KLHL13: variants seen among roughly 807,000 people sequenced by gnomAD.
KLHL13 encodes the protein kelch-like protein 13.
Under a neutral mutation model 37.1 loss-of-function variants are expected in KLHL13, and 10 were observed. The observed-to-expected ratio is 0.27, with a 90% confidence interval of 0.17 to 0.46. KLHL13 has a LOEUF of 0.46. Ranked by LOEUF, KLHL13 falls within the 20% of genes least tolerant of loss-of-function variation. The probability of loss-of-function intolerance (pLI) is 1.00; values close to 1 mark genes in which losing one functional copy is unlikely to be tolerated. For missense variants in KLHL13, 360 were observed against 509.3 expected, an observed-to-expected ratio of 0.71 and a Z score of 2.82; for synonymous variants, 163 against 181.2, an observed-to-expected ratio of 0.90 and a Z score of 0.81.
intron 1 of KLHL13, among the ~76,000 whole-genome samples, chrX:118,096,237 C>A (rs772449086): frequency 1.8e-5 from 2 of 111,159 alleles, no homozygotes; most frequent in Admixed American, 1.9e-4. Flanking sequence ...TACAAAATGA[C>A]AAAGGGGGTA....
At chrX:118,043,112 A>G (rs746187962) in intron 1 of KLHL13, among the ~76,000 whole-genome samples, 28 of 111,548 alleles carry the variant, frequency 2.5e-4, no homozygotes, top group African/African-American at 8.4e-4. Context: ...ATGAGCAAAT[A>G]CATGACAATA....
intron 1 of KLHL13, among the ~76,000 whole-genome samples, chrX:117,949,024 G>A (rs1370682823): frequency 3.6e-5 from 4 of 111,910 alleles, no homozygotes; most frequent in Non-Finnish European, 5.6e-5. Flanking sequence ...ATCTTGCCTC[G>A]AAATGTCCAC....
At chrX:117,903,979 TTTA>T (rs1212754674) in intron 5 of KLHL13, among the ~76,000 whole-genome samples, 3 of 111,215 alleles carry the variant, frequency 2.7e-5, no homozygotes, top group Non-Finnish European at 5.7e-5. Flanking sequence ...TTATTCACTT[TTTA>T]TTATTATTAA....
chrX:117,921,482 C>T (rs746791215), intron 2 of KLHL13, among the ~76,000 whole-genome samples: 10 of 111,567 alleles, frequency 9.0e-5, no homozygotes, highest in Admixed American at 1.9e-4. Context: ...AAAAAATGAA[C>T]ATTTTGGCAA....
chrX:117,920,797 T>C (rs1415687583), intron 2 of KLHL13, among the ~76,000 whole-genome samples: 3 of 111,256 alleles, frequency 2.7e-5, no homozygotes, highest in Non-Finnish European at 3.8e-5. Flanking sequence ...TTGTTTTGTT[T>C]TGGGGGAGGT....
chrX:117,990,537 T>A (rs1302690544), intron 1 of KLHL13, among the ~76,000 whole-genome samples: 1 of 111,767 alleles, frequency 8.9e-6, no homozygotes, highest in Non-Finnish European at 1.9e-5. Flanking sequence ...GACTGTTAAA[T>A]CCTATTAAAT....
At chrX:117,949,050 C>T (rs1044496464) in intron 1 of KLHL13, among the ~76,000 whole-genome samples, 1 of 111,897 alleles carries the variant, frequency 8.9e-6, no homozygotes, top group Non-Finnish European at 1.9e-5. Flanking sequence ...TAAAATTACC[C>T]GAACGGAAAC....
chrX:118,105,156 A>G (rs189826714), intron 1 of KLHL13, among the ~76,000 whole-genome samples: 1 of 112,744 alleles, frequency 8.9e-6, no homozygotes, highest in East Asian at 2.8e-4. Context: ...TTGCTTTTCA[A>G]TAAGACCTCC....
rs776518113 is a variant in KLHL13, at chrX:118,059,598, C to T, written c.-56+56910G>A. ...TTCAGAGATACAAATTTTATCTAAA[C>T]CTTCAATACCAGTAGTACAAATAAT... is the stretch of plus-strand genomic sequence containing the variant. On this transcript the variant is annotated intron_variant, in intron 1 of 6. Coordinates refer to the KLHL13 transcript ENST00000371882. Among the ~76,000 whole-genome samples, 17 of 111,610 alleles carry T rather than the reference C, an allele frequency of 1.5e-4. No homozygotes were observed. The East Asian group carries it at 4.5e-3, about 30-fold the overall frequency.
chrX:117,957,648 G>GC (rs1245710088), intron 1 of KLHL13, among the ~76,000 whole-genome samples: 120 of 111,523 alleles, frequency 1.1e-3, no homozygotes, highest in African/African-American at 3.6e-3. Flanking sequence ...TTAGATTGAA[G>GC]CCCTTTAAGT....
chrX:118,067,824 C>G (rs967061434), intron 1 of KLHL13, among the ~76,000 whole-genome samples: 1 of 110,706 alleles, frequency 9.0e-6, no homozygotes, highest in African/African-American at 3.3e-5. Context: ...GAAGGACCTG[C>G]CTGAAGCTGT....
intron 1 of KLHL13, among the ~76,000 whole-genome samples, chrX:118,087,343 AC>A (rs1256345008): frequency 9.1e-6 from 1 of 110,112 alleles, no homozygotes; most frequent in African/African-American, 3.3e-5. Context: ...TACCGAGGTG[AC>A]ATCTAACTCT....
intron 1 of KLHL13, among the ~76,000 whole-genome samples, chrX:118,095,706 GCAAT>G (rs1350704491): frequency 8.9e-6 from 1 of 112,214 alleles, no homozygotes; most frequent in African/African-American, 3.2e-5. Context: ...AGATCACAGT[GCAAT>G]CAAAGTAGAA....
chrX:117,940,015 C>T (rs1417084820), intron 2 of KLHL13, among the ~76,000 whole-genome samples: 3 of 111,757 alleles, frequency 2.7e-5, no homozygotes, highest in Non-Finnish European at 3.8e-5. Flanking sequence ...AACTCTTTGC[C>T]GATGCCTGTG....
exon 7 of KLHL13, chrX:117,897,836 C>T (rs1392384057): frequency 9.0e-6 from 1 of 111,159 alleles, no homozygotes; most frequent in Non-Finnish European, 1.9e-5. Flanking sequence ...TTTTATTGAA[C>T]AAAAAAAGAT....
At chrX:118,028,518 C>T in intron 1 of KLHL13, 21 bp from the exon 2 acceptor site, 1 of 728,052 alleles carries the variant, frequency 1.4e-6, no homozygotes, top group Non-Finnish European at 2.0e-6. Flanking sequence ...GGAAAAGAAG[C>T]CAATATTTAC....
At chrX:118,035,994 C>T (rs5956860) in intron 1 of KLHL13, among the ~76,000 whole-genome samples, 14,869 of 96,743 alleles carry the variant, frequency 0.15, 2,932 homozygotes, top group African/African-American at 0.5. Context: ...CCATTCACAA[C>T]TGCTTCAAAG....
chrX:118,057,135 G>A (rs1478651836), intron 1 of KLHL13, among the ~76,000 whole-genome samples: 1 of 111,623 alleles, frequency 9.0e-6, no homozygotes, highest in East Asian at 2.8e-4. Context: ...CAAACAGTGT[G>A]GTGTTGGCAC....
chrX:117,929,396 C>T lies in KLHL13; in HGVS notation c.241-9026G>A, dbSNP rs1287156683. ...ACAGAAAGCCAAGATCAAAATCCAT[C>T]GGGCACAAAGATGTAAAAATTTTCA... On this transcript the variant is annotated intron_variant, in intron 2 of 6. Coordinates refer to ENST00000262820, the Ensembl canonical transcript of KLHL13. Among the ~76,000 whole-genome samples, 3 of 111,113 alleles carry T rather than the reference C, an allele frequency of 2.7e-5. No individual in the cohort carries two copies. The Admixed American group carries it at 2.9e-4, about 11-fold the overall frequency.
Sources: allele counts gnomAD v4.1 joint callset (sites outside exome capture counted in the v4.1 genomes callset), GRCh38; gene constraint gnomAD v4.1.1; transcripts MANE v1.5; gene names NCBI Gene and HGNC (gene_info 2026-07-23, HGNC 2026-07-21).